The following HIPK2 variants were observed in gnomAD, a reference collection of about 807,000 sequenced individuals.
The protein encoded by HIPK2 is homeodomain interacting protein kinase 2.
A neutral mutation model predicts 113.7 loss-of-function variants in HIPK2; 27 were observed. The ratio of observed to expected loss-of-function variants is 0.24; its 90% CI spans 0.17 to 0.33. The LOEUF (loss-of-function observed/expected upper bound fraction) is 0.33. HIPK2 is among the 10% of genes least tolerant of loss of function. HIPK2 has a pLI of 1.00. For missense variants in HIPK2, 1,257 were observed against 1,588.0 expected, an observed-to-expected ratio of 0.79 and a Z score of 3.54; for synonymous variants, 631 against 642.2, an observed-to-expected ratio of 0.98 and a Z score of 0.26.
At chr7:139,713,343 C>G (rs1795125737) in intron 2 of HIPK2, among the ~76,000 whole-genome samples, 1 of 152,144 alleles carries the variant, frequency 6.6e-6, no homozygotes, top group South Asian at 2.1e-4. Context: ...ACTGCTGCCG[C>G]AGGCTTCCTG....
rs1585220108 is a variant in HIPK2, at chr7:139,570,827, G to A, written c.*2100C>T. On this transcript the variant is annotated 3_prime_UTR_variant, in exon 15 of 15. Transcript: ENST00000406875. Reference sequence around the variant, plus strand: ...GGGGTCAGCTAAAGACTCAACATCAGAAGCAAACAATTAGAACCACCCTTT... The same window carrying A: ...GGGGTCAGCTAAAGACTCAACATCAAAAGCAAACAATTAGAACCACCCTTT... The A allele has an allele frequency of 6.6e-6, 1 of 152,358 alleles. No individual in the cohort carries two copies. The highest frequency in any genetic ancestry group is 1.9e-4 in the East Asian group (1 of 5,178). The allele number at this position is 152,358 out of a possible 1,614,324, so 9.4% of individuals were successfully genotyped here.
At position 139,572,743 on chromosome 7, in the gene HIPK2, C is replaced by G. The variant is rs1798323949; in HGVS notation, c.*184G>C. 1 of 547,084 alleles carries G rather than the reference C, an allele frequency of 1.8e-6. No individual in the cohort carries two copies. The highest frequency in any genetic ancestry group is 3.2e-6 in the Non-Finnish European group (1 of 316,268). The allele number at this position is 547,084 out of a possible 1,614,324, so 33.9% of individuals were successfully genotyped here. ...CCCGGTTCAAGTTTCACTGGTGTCC[C>G]GACCCGTCCCCCTGCCCTCTGCCCC... On this transcript the variant is annotated 3_prime_UTR_variant, in exon 15 of 15. Transcript: ENST00000406875.
chr7:139,758,190 G>C (rs1018692799), intron 1 of HIPK2, among the ~76,000 whole-genome samples: 1 of 152,112 alleles, frequency 6.6e-6, no homozygotes, highest in Non-Finnish European at 1.5e-5. Context: ...AGAATAGCCA[G>C]GACAAGGCTG....
rs966046479 is a variant in HIPK2, at chr7:139,630,761, G to C, written c.1347+404C>G. Among the ~76,000 whole-genome samples the C allele has an allele frequency of 6.6e-6, 1 of 152,202 alleles. No individual in the cohort carries two copies. Among genetic ancestry groups the C allele is most frequent in the Non-Finnish European group, 1.5e-5 (1 of 68,038 alleles). On this transcript the variant is annotated intron_variant, in intron 4 of 14. Coordinates refer to ENST00000406875, the MANE Select transcript of HIPK2 (RefSeq NM_022740.5). The surrounding 1 kb of genome is among the most constrained non-coding windows in gnomAD (Gnocchi z 4.0). ...CCCTCTGCTGCAGGCAGAATTAAAT[G>C]CTCCTTCCTCTTGGCACCCACACCC...
At chr7:139,759,396 G>A (rs928857935) in intron 1 of HIPK2, among the ~76,000 whole-genome samples, 35 of 152,152 alleles carry the variant, frequency 2.3e-4, no homozygotes, top group African/African-American at 8.0e-4. Context: ...AAAAATGACA[G>A]ATGTATCTGT....
At chr7:139,628,441 T>C (rs1023211468) in intron 5 of HIPK2, among the ~76,000 whole-genome samples, 6 of 152,140 alleles carry the variant, frequency 3.9e-5, no homozygotes, top group Non-Finnish European at 8.8e-5. Flanking sequence ...ACTGGAATGA[T>C]TGTTTTTTTG....
At chr7:139,741,830 A>G (rs78629112) in intron 1 of HIPK2, among the ~76,000 whole-genome samples, 3,644 of 152,330 alleles carry the variant, frequency 0.024, 130 homozygotes, top group African/African-American at 0.083. Context: ...GAAATCATAG[A>G]TAAGTGGCAC....
chr7:139,664,372 T>C lies in HIPK2; in HGVS notation c.1104-32647A>G, dbSNP rs568555879. ...GACCAACACGGCAAAACCCCATCTC[T>C]ACTAAAAATATAAAATTAGCCGGGC... is the stretch of plus-strand genomic sequence containing the variant. On this transcript the variant is annotated intron_variant, in intron 2 of 14. Transcript: ENST00000406875. 2.0e-3 allele frequency among the ~76,000 whole-genome samples: 305 copies of C among 152,150 alleles called. 1 individual carries two copies. The highest frequency in any genetic ancestry group is 6.9e-3 in the African/African-American group (286 of 41,506).
chr7:139,650,466 GTT>G (rs528006115), intron 2 of HIPK2, among the ~76,000 whole-genome samples: 1 of 144,360 alleles, frequency 6.9e-6, no homozygotes. Context: ...TTCCCTTCGG[GTT>G]TTTTTTTTTT....
intron 2 of HIPK2, among the ~76,000 whole-genome samples, chr7:139,707,652 T>G (rs2116894512): frequency 6.6e-6 from 1 of 152,310 alleles, no homozygotes; most frequent in South Asian, 2.1e-4. Context: ...GGACAGATAC[T>G]GCAGAGCCGA....
At chr7:139,770,882 A>G (rs1796638358) in intron 1 of HIPK2, among the ~76,000 whole-genome samples, 1 of 152,260 alleles carries the variant, frequency 6.6e-6, no homozygotes, top group South Asian at 2.1e-4. Context: ...GTATTCAGAA[A>G]TAAGTAGCTA....
At chr7:139,637,308 C>A (rs553385703) in intron 2 of HIPK2, among the ~76,000 whole-genome samples, 7 of 152,232 alleles carry the variant, frequency 4.6e-5, no homozygotes, top group Non-Finnish European at 1.0e-4. Flanking sequence ...GAAATCTAGA[C>A]CCCTCCATGG....
chr7:139,572,764 G>GCA lies in HIPK2; in HGVS notation c.*162_*163insTG. The GCA allele has an allele frequency of 2.5e-4, 7 of 27,800 alleles. 1 individual carries two copies. Among genetic ancestry groups the GCA allele is most frequent in the South Asian group, 1.1e-3 (1 of 930 alleles). The allele number at this position is 27,800 out of a possible 1,614,324, so 1.7% of individuals were successfully genotyped here. Reference sequence around the variant, plus strand: ...GTCCCGACCCGTCCCCCTGCCCTCTGCCCCCCCCCCCCCCCCCGCCCCTGC... The same window carrying GCA: ...GTCCCGACCCGTCCCCCTGCCCTCTGCACCCCCCCCCCCCCCCCCGCCCCTGC... On this transcript the variant is annotated 3_prime_UTR_variant, in exon 15 of 15. Coordinates refer to ENST00000406875, the MANE Select transcript of HIPK2 (RefSeq NM_022740.5).
intron 2 of HIPK2, among the ~76,000 whole-genome samples, chr7:139,713,850 G>A (rs1795140686): frequency 6.6e-6 from 1 of 152,320 alleles, no homozygotes; most frequent in East Asian, 1.9e-4. Flanking sequence ...TACCCGGGAC[G>A]GCCACCAGAG....
chr7:139,773,349 T>C lies in HIPK2; in HGVS notation c.19+4256A>G, dbSNP rs369671356. Among the ~76,000 whole-genome samples the C allele has an allele frequency of 4.6e-5, 7 of 152,344 alleles. No homozygotes were observed. The East Asian group carries it at 1.3e-3, about 29-fold the overall frequency. On this transcript the variant is annotated intron_variant, in intron 1 of 14. Transcript: ENST00000406875. ...TTTCCCCCAAAAGAGAATAGCTATA[T>C]GAAATGGAACTCTTGCGAGTTTGGG... is the stretch of plus-strand genomic sequence containing the variant.
chr7:139,580,530 C>G (rs954111716), intron 13 of HIPK2, among the ~76,000 whole-genome samples: 1 of 152,238 alleles, frequency 6.6e-6, no homozygotes, highest in Non-Finnish European at 1.5e-5. Context: ...AGTGAGGAAA[C>G]ATTCTAGAGT....
rs1236211494 is a variant in HIPK2, at chr7:139,568,285, C to G, written c.*4642G>C. 6.6e-6 allele frequency: 1 copy of G among 152,468 alleles called. No individual in the cohort carries two copies. The highest frequency in any genetic ancestry group is 2.4e-5 in the African/African-American group (1 of 41,452). 9.4% of individuals were successfully genotyped at this position (152,468 alleles called of 1,614,324 possible). ...AGGAAGACTAGAAAGGCTAACAGTC[C>G]AGGAGATGAATGCCGCTTTGCTCCA... On this transcript the variant is annotated 3_prime_UTR_variant, in exon 15 of 15. Coordinates refer to ENST00000406875, the MANE Select transcript of HIPK2 (RefSeq NM_022740.5).
At chr7:139,625,428 C>T (rs1199793907) in intron 6 of HIPK2, among the ~76,000 whole-genome samples, 1 of 152,238 alleles carries the variant, frequency 6.6e-6, no homozygotes, top group Non-Finnish European at 1.5e-5. Flanking sequence ...ATCTAACCAG[C>T]TATTCCCTTG....
intron 2 of HIPK2, among the ~76,000 whole-genome samples, chr7:139,702,424 G>C (rs986325370): frequency 3.2e-4 from 48 of 152,296 alleles, no homozygotes; most frequent in African/African-American, 1.2e-3. Flanking sequence ...ATCCCGGGTC[G>C]AGCTGCTGGG....
Sources: gnomAD v4.1 joint callset for allele counts (sites outside exome capture counted in the v4.1 genomes callset) on GRCh38, gnomAD v4.1.1 for gene constraint, Gnocchi (gnomAD v3.1) non-coding constraint, MANE v1.5 for transcripts, NCBI Gene and HGNC (gene_info 2026-07-23, HGNC 2026-07-21) for gene names.